ITGA3: variants seen among roughly 807,000 people sequenced by gnomAD.
ITGA3 encodes the protein integrin alpha-3.
In ITGA3, 70 loss-of-function variants were observed where a neutral mutation model predicts 131.1. The observed-to-expected ratio is 0.53, with a 90% CI of 0.44 to 0.65. The LOEUF is 0.65. Ranked by LOEUF, ITGA3 falls within the 30% of genes least tolerant of loss-of-function variation. The probability of loss-of-function intolerance (pLI) is 0.00; values close to 1 mark genes in which losing one functional copy is unlikely to be tolerated. For missense variants in ITGA3, 1,098 were observed against 1,388.6 expected (o/e 0.79, Z 3.33); for synonymous variants, 537 against 571.6 (o/e 0.94, Z 0.86).
At chr17:50,076,526 G>T in intron 13 of ITGA3, 51 bp downstream of exon 13, 2 of 1,606,744 alleles carry the variant, frequency 1.2e-6, no homozygotes. Context: ...GAAGGGCGGT[G>T]GGGCGAGAGG....
rs537387901 is a variant in ITGA3 at position 50,080,534 on chromosome 17, T to C, written c.2820+159T>C. ...TTGCGTGTCTTTGCATGGATGTGTA[T>C]GTGTTTGTCCCCAGCCAAAATGACC... On this transcript the variant is annotated intron_variant, in intron 22 of 25. Coordinates refer to ENST00000320031, the MANE Select transcript of ITGA3 (RefSeq NM_002204.4). Among the ~76,000 whole-genome samples the C allele has an allele frequency of 2.6e-4, 40 of 152,156 alleles. 1 individual carries two copies. The highest frequency in any genetic ancestry group is 1.2e-3 in the Admixed American group (18 of 15,264).
At chr17:50,077,798 A>C (rs1908985721) in intron 16 of ITGA3, among the ~76,000 whole-genome samples, 1 of 152,142 alleles carries the variant, frequency 6.6e-6, no homozygotes, top group South Asian at 2.1e-4. Flanking sequence ...GGAAACACAC[A>C]CTTAGAAAGT....
Position 50,089,238 on chromosome 17 carries a change from C to T in ITGA3, c.*160C>T. On this transcript the variant is annotated 3_prime_UTR_variant, in exon 26 of 26. Coordinates refer to ENST00000320031, the MANE Select transcript of ITGA3 (RefSeq NM_002204.4). ...CCACCAAGAAGCACTGGGTGACCAG[C>T]TGGCAGACTCGGGACCAATACTACT... is the stretch of plus-strand genomic sequence containing the variant. 6.2e-7 allele frequency: 1 copy of T among 1,613,728 alleles called. No homozygotes were observed. The highest frequency in any genetic ancestry group is 1.7e-5 in the Admixed American group (1 of 60,016).
chr17:50,075,821 G>A (rs954702168), intron 12 of ITGA3, 86 bp downstream of exon 12: 11 of 1,418,646 alleles, frequency 7.8e-6, no homozygotes, highest in Middle Eastern at 3.9e-4. Flanking sequence ...GGTGAGGGAC[G>A]GGGGTCTCCC....
intron 14 of ITGA3, 105 bp from the exon 15 acceptor site, chr17:50,076,869 A>C: frequency 7.3e-7 from 1 of 1,370,076 alleles, no homozygotes; most frequent in Non-Finnish European, 1.0e-6. Flanking sequence ...TGGCTGTCCC[A>C]AGATGGGCTT....
intron 12 of ITGA3, 25 bp from the exon 13 acceptor site, chr17:50,076,301 G>T: frequency 6.2e-7 from 1 of 1,609,218 alleles, no homozygotes; most frequent in Non-Finnish European, 8.5e-7. Context: ...TGCAGGGCCG[G>T]GCTCAGCTCA....
In ITGA3 at chr17:50,089,278, T is replaced by A; in HGVS notation, c.*200T>A. On this transcript the variant is annotated 3_prime_UTR_variant, in exon 26 of 26. Transcript: ENST00000320031. The stretch of plus-strand genomic sequence containing the variant: ...CCAATACTACTGACGTCCTCCCTGA[T>A]CCCACCCCCTCCTCCCCCAGTGTCC... The A allele has an allele frequency of 6.2e-7, 1 of 1,607,658 alleles. No homozygotes were observed. The highest frequency in any genetic ancestry group is 8.5e-7 in the Non-Finnish European group (1 of 1,176,076).
intron 3 of ITGA3, chr17:50,065,553 A>G (rs1193196780): frequency 6.6e-6 from 1 of 152,224 alleles, no homozygotes; most frequent in East Asian, 1.9e-4. Flanking sequence ...TGTTGCTTTG[A>G]TGTCAGGTTT....
Position 50,088,351 on chromosome 17 carries a change from C to T in ITGA3, c.*16C>T, listed in dbSNP as rs1164932823. 5.8e-6 allele frequency: 9 copies of T among 1,547,772 alleles called. No homozygotes were observed. The highest frequency in any genetic ancestry group is 7.9e-6 in the Non-Finnish European group (9 of 1,142,734). ...CGACTACTGAGGGGGCAGCCCCCCG[C>T]CCCCGGCCCACCTGGGTAACACGGC... On this transcript the variant is annotated 3_prime_UTR_variant, in exon 25 of 26. Transcript: ENST00000320031.
intron 1 of ITGA3, among the ~76,000 whole-genome samples, chr17:50,061,574 C>G (rs1157898226): frequency 6.6e-6 from 1 of 152,162 alleles, no homozygotes; most frequent in East Asian, 1.9e-4. Context: ...CAGATCTGAG[C>G]CCCCGCTGTA....
chr17:50,074,591 T>C, intron 10 of ITGA3, 57 bp downstream of exon 10: 1 of 1,262,174 alleles, frequency 7.9e-7, no homozygotes, highest in South Asian at 1.2e-5. Flanking sequence ...TAGGAGGGGC[T>C]GCAGCTCCCA....
At position 50,088,748 on chromosome 17, in the gene ITGA3, C is replaced by T. The variant is rs541609870; in HGVS notation, c.*32-362C>T. 3.3e-5 allele frequency among the ~76,000 whole-genome samples: 5 copies of T among 152,302 alleles called. No individual in the cohort carries two copies. The South Asian group carries it at 1.0e-3, about 32-fold the overall frequency. ...GAGGGGAGCAGTAGAGACCCTCCTCCTGGGAACTAGCCTGTTTCCTCCTGA... is the reference window on the plus strand; with the variant it reads ...GAGGGGAGCAGTAGAGACCCTCCTCTTGGGAACTAGCCTGTTTCCTCCTGA... On this transcript the variant is annotated intron_variant, in intron 25 of 25. Transcript: ENST00000320031.
rs1908771012 is a variant in ITGA3 at position 50,074,176 on chromosome 17, G to A, written c.1278G>A (p.Gly426=). The change falls in exon 9 of 26, where the codon GGG becomes GGA. Residue 426 remains glycine, a synonymous_variant. Transcript: ENST00000320031. Reference sequence around the variant, plus strand: ...ATGGAGAGAAGCTGGGACTGCCTGGGTTGGCCACCTTCGGCTATTCCCTCA... The same window carrying A: ...ATGGAGAGAAGCTGGGACTGCCTGGATTGGCCACCTTCGGCTATTCCCTCA... ...VIHGEKLGLP[G]LATFGYSLSG... is the part of the protein sequence containing the mutation. The A allele has an allele frequency of 1.2e-6, 2 of 1,614,206 alleles. No homozygotes were observed. The highest frequency in any genetic ancestry group is 8.5e-7 in the Non-Finnish European group (1 of 1,180,030).
intron 1 of ITGA3, among the ~76,000 whole-genome samples, chr17:50,057,012 G>A (rs1907858747): frequency 6.6e-6 from 1 of 152,150 alleles, no homozygotes; most frequent in South Asian, 2.1e-4. Context: ...AACACCCAGC[G>A]GACTCCCCCC....
chr17:50,071,593 G>A lies in ITGA3; in HGVS notation c.959+75G>A. ...GAAGGCTTACCTAAGCCAGGTGAGG[G>A]GAGTGGAGGATTTGCAGTTGTGCGG... is the stretch of plus-strand genomic sequence containing the variant. On this transcript the variant is annotated intron_variant, in intron 6 of 25. Transcript: ENST00000320031. 3.0e-6 allele frequency: 4 copies of A among 1,336,446 alleles called. No individual in the cohort carries two copies. In the South Asian group the frequency reaches 5.4e-5, roughly 18 times the overall value. The allele number at this position is 1,336,446 out of a possible 1,614,324, so 82.8% of individuals were successfully genotyped here.
At chr17:50,070,514 C>T (rs187745267) in intron 4 of ITGA3, among the ~76,000 whole-genome samples, 5 of 151,598 alleles carry the variant, frequency 3.3e-5, no homozygotes, top group Admixed American at 2.6e-4. Flanking sequence ...GGCATGGTGG[C>T]GCATGCCTGT....
rs113441627 is a variant in ITGA3 at position 50,080,463 on chromosome 17, GGTGT to G, written c.2820+128_2820+131del. 0.041 allele frequency: 20,680 copies of G among 500,340 alleles called. 111 individuals are homozygous for G. The highest frequency in any genetic ancestry group is 0.058 in the Middle Eastern group (119 of 2,060). 31.0% of individuals were successfully genotyped at this position (500,340 alleles called of 1,614,324 possible). On this transcript the variant is annotated intron_variant, in intron 22 of 25. Transcript: ENST00000320031. Reference sequence around the variant, plus strand: ...AGGGCGAGTCCAGGGTCATAGCATGGGTGTGTGTGTGTGTGTGTGTGTGTGTGTG... The same window carrying G: ...AGGGCGAGTCCAGGGTCATAGCATGGGTGTGTGTGTGTGTGTGTGTGTGTG...
chr17:50,074,155 A>G lies in ITGA3; in HGVS notation c.1257A>G (p.Gly419=). 1 of 1,613,552 alleles carries G rather than the reference A, an allele frequency of 6.2e-7. No homozygotes were observed. The highest frequency in any genetic ancestry group is 1.6e-4 in the Middle Eastern group (1 of 6,062). ...LLRQPQQVIH[G]EKLGLPGLAT... ...TCCCCTGCCCCCAGGTAATCCATGG[A>G]GAGAAGCTGGGACTGCCTGGGTTGG... The change falls in exon 9 of 26, where the codon GGA becomes GGG. Residue 419 remains glycine (G), a synonymous_variant. Transcript: ENST00000320031.
At position 50,078,272 on chromosome 17, in the gene ITGA3, C is replaced by G. The variant is rs2144300098; in HGVS notation, c.2285C>G (p.Thr762Ser). ...CTGCTGGTGGACTATACACTCCAGA[C>G]CTCGCTTAGCATGTGGGTACCGCTC... ...LTLLVDYTLQ[T>S]SLSMVNHRLQ... The change falls in exon 18 of 26, where the codon ACC becomes AGC. Residue 762 changes from threonine (T) to serine (S), a missense_variant. Thr to Ser is a moderately conservative substitution (Grantham distance 58). Coordinates refer to ENST00000320031, the MANE Select transcript of ITGA3 (RefSeq NM_002204.4). 1 of 1,613,714 alleles carries G rather than the reference C, an allele frequency of 6.2e-7. No individual in the cohort carries two copies. The highest frequency in any genetic ancestry group is 2.2e-5 in the East Asian group (1 of 44,878).
Sources: gnomAD v4.1 joint callset for allele counts (sites outside exome capture counted in the v4.1 genomes callset) on GRCh38, gnomAD v4.1.1 for gene constraint, MANE v1.5 for transcripts, NCBI Gene and HGNC (gene_info 2026-07-23, HGNC 2026-07-21) for gene names.